COLGALT2: variants seen among roughly 807,000 people sequenced by gnomAD.
The protein encoded by COLGALT2 is collagen beta(1-O)galactosyltransferase 2, also known as procollagen galactosyltransferase 2.
A neutral mutation model predicts 73.4 loss-of-function variants in COLGALT2; 49 were observed. That is an observed-to-expected ratio of 0.67 (90% confidence interval 0.53 to 0.85). The LOEUF is 0.85. COLGALT2 is among the 40% of genes least tolerant of loss of function. The pLI is 0.00. For missense variants in COLGALT2, 722 were observed against 790.2 expected (o/e 0.91, Z 1.03); for synonymous variants, 295 against 307.6 (o/e 0.96, Z 0.43).
intron 8 of COLGALT2, chr1:183,946,672 T>C (rs1670257757): frequency 6.6e-6 from 1 of 152,190 alleles, no homozygotes; most frequent in South Asian, 2.1e-4. Context: ...TATGCTAATA[T>C]TGGGCAAAAT....
At chr1:184,012,099 T>C (rs1486275381) in intron 1 of COLGALT2, among the ~76,000 whole-genome samples, 1 of 152,174 alleles carries the variant, frequency 6.6e-6, no homozygotes, top group Admixed American at 6.5e-5. Flanking sequence ...TAAAAGAGAA[T>C]AGAGTTTTCC....
chr1:184,006,208 T>G (rs1472667182), intron 1 of COLGALT2, among the ~76,000 whole-genome samples: 1 of 152,238 alleles, frequency 6.6e-6, no homozygotes, highest in African/African-American at 2.4e-5. Context: ...AATTTTTCAT[T>G]TTTATAAATA....
rs774633204 is a variant in COLGALT2 at position 183,940,806 on chromosome 1, G to A, written c.1398-19C>T. On this transcript the variant is annotated intron_variant, in intron 10 of 11. Coordinates refer to ENST00000361927, the MANE Select transcript of COLGALT2 (RefSeq NM_015101.4). ...AATATAACTGTAAGGAAATGGCAGA[G>A]GAGAAAAATTCCACCTTGACTATTA... is the stretch of plus-strand genomic sequence containing the variant. 1.7e-5 allele frequency: 28 copies of A among 1,605,554 alleles called. No individual in the cohort carries two copies. The highest frequency in any genetic ancestry group is 1.7e-4 in the Middle Eastern group (1 of 6,018).
chr1:183,973,446 G>A (rs1671104228), intron 4 of COLGALT2, among the ~76,000 whole-genome samples, 170 bp downstream of exon 4: 1 of 152,164 alleles, frequency 6.6e-6, no homozygotes, highest in African/African-American at 2.4e-5. Context: ...CCAACTGGGT[G>A]TAGCATTGGA....
chr1:183,987,142 C>T (rs1019239291), intron 1 of COLGALT2, among the ~76,000 whole-genome samples: 10 of 152,214 alleles, frequency 6.6e-5, no homozygotes, highest in African/African-American at 2.4e-4. Context: ...AGTCACAACC[C>T]TTGGAATTCC....
At position 183,994,108 on chromosome 1, in the gene COLGALT2, G is replaced by A. The variant is rs560733695; in HGVS notation, c.264-15588C>T. On this transcript the variant is annotated intron_variant, in intron 1 of 11. Transcript: ENST00000361927. ...GGCTGGAGTGCAGTGGTGTGATCTC[G>A]GCTCACTGCAAACTCCAGCTCCCGG... 1.6e-3 allele frequency among the ~76,000 whole-genome samples: 201 copies of A among 123,294 alleles called. 1 individual carries two copies. The highest frequency in any genetic ancestry group is 5.1e-3 in the African/African-American group (160 of 31,334). 80.9% of individuals were successfully genotyped at this position (123,294 alleles called of 152,430 possible).
chr1:183,954,161 C>T (rs778385305), intron 7 of COLGALT2, among the ~76,000 whole-genome samples: 12 of 152,286 alleles, frequency 7.9e-5, no homozygotes, highest in Middle Eastern at 3.4e-3. Flanking sequence ...AGGGGAACCT[C>T]TTAATATTTC....
chr1:184,000,823 CCATT>C (rs1671899231), intron 1 of COLGALT2, among the ~76,000 whole-genome samples: 1 of 149,354 alleles, frequency 6.7e-6, no homozygotes, highest in Non-Finnish European at 1.5e-5. Context: ...TTTCAGCCCC[CCATT>C]TTTTTTTTTT....
chr1:184,029,305 C>T (rs1649429908), intron 1 of COLGALT2, among the ~76,000 whole-genome samples: 1 of 152,214 alleles, frequency 6.6e-6, no homozygotes, highest in Non-Finnish European at 1.5e-5. Context: ...AAAAGTAATA[C>T]AATCCTGATC....
At chr1:183,984,994 T>C (rs1671449516) in intron 1 of COLGALT2, among the ~76,000 whole-genome samples, 1 of 147,008 alleles carries the variant, frequency 6.8e-6, no homozygotes, top group South Asian at 2.2e-4. Context: ...GCTTTACTGC[T>C]TGGCTGTGGA....
At chr1:184,019,559 A>C (rs1024361494) in intron 1 of COLGALT2, among the ~76,000 whole-genome samples, 1 of 152,172 alleles carries the variant, frequency 6.6e-6, no homozygotes, top group Non-Finnish European at 1.5e-5. Flanking sequence ...CCTCATTCCT[A>C]TTTTAGGAGA....
In COLGALT2 at chr1:183,938,875, C is replaced by T. The variant is rs1226624803; in HGVS notation, c.1767G>A (p.Arg589=). The part of the protein sequence containing the change: ...DNETVATDWD[R]THAWKSRKQS... ...GCTTCCGGGACTTCCAGGCATGTGT[C>T]CTATCCCAGTCGGTGGCCACTGTCT... is the stretch of plus-strand genomic sequence containing the variant. Residue 589 remains arginine, a synonymous_variant, in exon 12 of 12, where the codon AGG becomes AGA. Coordinates refer to ENST00000361927, the MANE Select transcript of COLGALT2 (RefSeq NM_015101.4). 6.2e-7 allele frequency: 1 copy of T among 1,614,152 alleles called. No homozygotes were observed. The highest frequency in any genetic ancestry group is 1.1e-5 in the South Asian group (1 of 91,078).
intron 2 of COLGALT2, 24 bp from the exon 3 acceptor site, chr1:183,975,238 C>G (rs375403646): frequency 5.6e-6 from 8 of 1,434,026 alleles, no homozygotes; most frequent in Non-Finnish European, 7.9e-6. Flanking sequence ...AATAGCTCAT[C>G]ATTATTGAGT....
chr1:184,037,422 C>A lies in COLGALT2; in HGVS notation c.-65G>T, dbSNP rs892544407. ...AGCGCCCGGCTGGGCTGCCTGAGGG[C>A]GGCGGCGGCTGCCGGGGAGCAAGGG... On this transcript the variant is annotated 5_prime_UTR_variant, in exon 1 of 12. Transcript: ENST00000361927. 2 of 1,265,466 alleles carry A rather than the reference C, an allele frequency of 1.6e-6. No homozygotes were observed. The highest frequency in any genetic ancestry group is 2.0e-6 in the Non-Finnish European group (2 of 1,007,626). 78.4% of individuals were successfully genotyped at this position (1,265,466 alleles called of 1,614,324 possible). A position where few individuals can be genotyped will look rare whatever the true frequency, so the allele number is the denominator to read the frequency against.
At chr1:184,005,154 G>T (rs1358951384) in intron 1 of COLGALT2, among the ~76,000 whole-genome samples, 1 of 152,048 alleles carries the variant, frequency 6.6e-6, no homozygotes, top group Non-Finnish European at 1.5e-5. Context: ...CTACTGAGCC[G>T]GGGCTCAGTC....
intron 7 of COLGALT2, among the ~76,000 whole-genome samples, chr1:183,951,435 C>T (rs985764643): frequency 6.6e-6 from 1 of 152,048 alleles, no homozygotes; most frequent in Non-Finnish European, 1.5e-5. Flanking sequence ...CAATACGATC[C>T]TATGTTTAGA....
chr1:183,967,677 T>C (rs1670918977), intron 5 of COLGALT2, among the ~76,000 whole-genome samples: 1 of 152,234 alleles, frequency 6.6e-6, no homozygotes, highest in African/African-American at 2.4e-5. Flanking sequence ...ATTCGTGTAA[T>C]TGTTAATATC....
chr1:184,016,731 G>C (rs889476711), intron 1 of COLGALT2, among the ~76,000 whole-genome samples: 2 of 152,074 alleles, frequency 1.3e-5, no homozygotes, highest in Non-Finnish European at 2.9e-5. Context: ...GTAACTATTT[G>C]TTCAAAATGA....
chr1:183,995,511 A>C (rs1033107647), intron 1 of COLGALT2, among the ~76,000 whole-genome samples: 2 of 152,238 alleles, frequency 1.3e-5, no homozygotes, highest in Admixed American at 1.3e-4. Context: ...CAGCTTCCAG[A>C]GAGTTCTTCA....
Sources: gnomAD v4.1 joint callset for allele counts (sites outside exome capture counted in the v4.1 genomes callset) on GRCh38, gnomAD v4.1.1 for gene constraint, MANE v1.5 for transcripts, NCBI Gene and HGNC (gene_info 2026-07-23, HGNC 2026-07-21) for gene names.